The following KIRREL1 variants were observed in gnomAD, a reference collection of about 807,000 sequenced individuals.
The protein encoded by KIRREL1 is kirre like nephrin family adhesion molecule 1.
KIRREL1 carries 25 observed loss-of-function variants against 83.3 expected under a neutral mutation model. The ratio of observed to expected loss-of-function variants is 0.30; its 90% CI spans 0.22 to 0.42. The LOEUF (loss-of-function observed/expected upper bound fraction) is 0.42, where lower values mean the gene tolerates loss of function less well. Among genes scored for constraint, KIRREL1 ranks in the 10% least tolerant of loss-of-function variants. The probability of loss-of-function intolerance (pLI) is 1.00; values close to 1 mark genes in which losing one functional copy is unlikely to be tolerated. For missense variants in KIRREL1, 812 were observed against 1,032.3 expected (o/e 0.79, Z 2.92); for synonymous variants, 388 against 410.4 (o/e 0.95, Z 0.66).
intron 1 of KIRREL1, among the ~76,000 whole-genome samples, chr1:158,022,442 G>A (rs537626965): frequency 4.4e-4 from 67 of 152,226 alleles, no homozygotes; most frequent in African/African-American, 1.4e-3. Context: ...GCCACCCAGC[G>A]GATTCTGACA....
At position 158,088,155 on chromosome 1, in the gene KIRREL1, G is replaced by A; in HGVS notation, c.916+1G>A. 1.2e-6 allele frequency: 2 copies of A among 1,614,250 alleles called. No homozygotes were observed. The highest frequency in any genetic ancestry group is 1.7e-6 in the Non-Finnish European group (2 of 1,180,052). ...GTCAGCACTTTAGTAAATGTCCACT[G>A]TGAGTAGCTGGGAGGGCAGGGACGG... On this transcript the variant is annotated splice_donor_variant, in intron 7 of 14. Transcript: ENST00000359209. LOFTEE classifies it high-confidence loss of function.
At chr1:158,087,892 G>A in intron 6 of KIRREL1, 32 bp downstream of exon 6, 1 of 1,608,782 alleles carries the variant, frequency 6.2e-7, no homozygotes, top group South Asian at 1.1e-5. Context: ...AGCGCTCTGG[G>A]GAGTGATAAG....
In KIRREL1 at chr1:158,094,772, C is replaced by G; in HGVS notation, c.1926C>G (p.Ser642=). Residue 642 remains serine (S), a synonymous_variant, in exon 15 of 15, where the codon TCC becomes TCG. Transcript: ENST00000359209. The surrounding 1 kb of genome is among the most constrained non-coding windows in gnomAD (Gnocchi z 4.6). ...ACGGCCGCCCCTCATCCCGTCTCTCCCACTCCAGCGGCTATGCCCAGCTCA... is the reference window on the plus strand; with the variant it reads ...ACGGCCGCCCCTCATCCCGTCTCTCGCACTCCAGCGGCTATGCCCAGCTCA... ...RFDGRPSSRL[S]HSSGYAQLNT... is the part of the protein sequence containing the mutation. The G allele has an allele frequency of 6.2e-7, 1 of 1,614,028 alleles. No homozygotes were observed. The highest frequency in any genetic ancestry group is 8.5e-7 in the Non-Finnish European group (1 of 1,180,018).
At chr1:158,025,303 G>A (rs1660136920) in intron 1 of KIRREL1, among the ~76,000 whole-genome samples, 1 of 152,108 alleles carries the variant, frequency 6.6e-6, no homozygotes. Context: ...GAATGAAGAG[G>A]AATGGAGTAA....
chr1:158,076,832 G>C (rs1181752434), intron 2 of KIRREL1, among the ~76,000 whole-genome samples: 1 of 152,240 alleles, frequency 6.6e-6, no homozygotes, highest in Non-Finnish European at 1.5e-5. Context: ...AACATAATGA[G>C]TCAGTCAAAC....
chr1:157,994,885 A>C (rs540236404), intron 1 of KIRREL1, among the ~76,000 whole-genome samples: 3 of 152,186 alleles, frequency 2.0e-5, no homozygotes, highest in Non-Finnish European at 4.4e-5. Flanking sequence ...AGATCGGCAC[A>C]CACTCACGCA....
rs1195508685 is a variant in KIRREL1 at position 158,095,097 on chromosome 1, C to A, written c.2251C>A (p.Gln751Lys). Reference sequence around the variant, plus strand: ...CTCGGACTACGGCCAGCGATTCCAGCAGCGCATGCAGACTCACGTGTAGGG... The same window carrying A: ...CTCGGACTACGGCCAGCGATTCCAGAAGCGCATGCAGACTCACGTGTAGGG... The part of the protein sequence containing the change: ...QHSDYGQRFQ[Q>K]RMQTHV Residue 751 changes from glutamine to lysine, a missense_variant, in exon 15 of 15, where the codon CAG becomes AAG. By Grantham distance (53) the Gln-to-Lys change is moderately conservative (BLOSUM62 1). Transcript: ENST00000359209. 6.2e-7 allele frequency: 1 copy of A among 1,603,048 alleles called. No individual in the cohort carries two copies. Among genetic ancestry groups the A allele is most frequent in the East Asian group, 2.2e-5 (1 of 44,664 alleles).
In KIRREL1 at chr1:157,995,621, G is replaced by A. The variant is rs1210186895; in HGVS notation, c.52+1893G>A. Among the ~76,000 whole-genome samples the A allele has an allele frequency of 4.6e-5, 7 of 152,250 alleles. No individual in the cohort carries two copies. The East Asian group carries it at 1.2e-3, about 25-fold the overall frequency. On this transcript the variant is annotated intron_variant, in intron 1 of 14. Coordinates refer to ENST00000359209, the MANE Select transcript of KIRREL1 (RefSeq NM_018240.7). ...ATCATGGATACAAATGAGTGTTAAGGAACAAAAGCAGCAGTTAGCAAACAG... is the reference window on the plus strand; with the variant it reads ...ATCATGGATACAAATGAGTGTTAAGAAACAAAAGCAGCAGTTAGCAAACAG...
intron 2 of KIRREL1, among the ~76,000 whole-genome samples, chr1:158,077,441 G>T (rs1239580194): frequency 6.6e-6 from 1 of 152,122 alleles, no homozygotes; most frequent in Non-Finnish European, 1.5e-5. Context: ...GAGGAAGGAG[G>T]GCAAGGCCCA....
At position 158,078,169 on chromosome 1, in the gene KIRREL1, C is replaced by T. The variant is rs374511920; in HGVS notation, c.352+29C>T. 65 of 1,605,122 alleles carry T rather than the reference C, an allele frequency of 4.0e-5. 1 individual carries two copies. The highest frequency in any genetic ancestry group is 5.0e-5 in the Non-Finnish European group (59 of 1,173,644). On this transcript the variant is annotated intron_variant, in intron 3 of 14. Transcript: ENST00000359209. ...AGGACCCCAATACCCTTCAGTACTT[C>T]GAGGCCCTGTCTCTCTGTATCCTGG... is the stretch of plus-strand genomic sequence containing the variant.
intron 1 of KIRREL1, among the ~76,000 whole-genome samples, chr1:158,014,629 G>A (rs548756890): frequency 6.9e-5 from 9 of 129,814 alleles, no homozygotes; most frequent in African/African-American, 2.6e-4. Context: ...CCCTTAGACC[G>A]ACACTGGGCG....
intron 1 of KIRREL1, among the ~76,000 whole-genome samples, chr1:158,029,372 T>TGCGC (rs1553238128): frequency 5.4e-5 from 8 of 149,396 alleles, no homozygotes; most frequent in Non-Finnish European, 1.0e-4. Flanking sequence ...TGTGTGCACG[T>TGCGC]GCGCGCGCAT....
Position 158,094,238 on chromosome 1 carries a change from C to T in KIRREL1, c.1720-75C>T, listed in dbSNP as rs1057185006. ...CACCCATGAGCAGGTGGCCTCTGAGCGTGGGGAGGGGTTGGTGAGGGGCGA... is the reference window on the plus strand; with the variant it reads ...CACCCATGAGCAGGTGGCCTCTGAGTGTGGGGAGGGGTTGGTGAGGGGCGA... On this transcript the variant is annotated intron_variant, in intron 13 of 14. Coordinates refer to ENST00000359209, the MANE Select transcript of KIRREL1 (RefSeq NM_018240.7). This position sits in a 1 kb window ranked among gnomAD's most constrained non-coding sequence, Gnocchi z 4.6. 1.1e-5 allele frequency: 14 copies of T among 1,287,150 alleles called. No individual in the cohort carries two copies. The highest frequency in any genetic ancestry group is 9.9e-5 in the Admixed American group (5 of 50,688). The allele number at this position is 1,287,150 out of a possible 1,614,324, so 79.7% of individuals were successfully genotyped here.
Position 158,086,648 on chromosome 1 carries a change from A to T in KIRREL1, c.563A>T (p.Asn188Ile). 6.4e-7 allele frequency: 1 copy of T among 1,551,844 alleles called. No individual in the cohort carries two copies. The stretch of plus-strand genomic sequence containing the variant: ...ACCACCGTGAGCCAACTGCTTATTA[A>T]CCCCACGGACCTGGACATAGGGCGT... The part of the protein sequence containing the change: ...RETTVSQLLI[N>I]PTDLDIGRVF... The change falls in exon 5 of 15, where the codon AAC (asparagine) becomes ATC (isoleucine). Residue 188 changes from asparagine to isoleucine, a missense_variant. Asn to Ile is a moderately radical substitution (Grantham distance 149). Coordinates refer to ENST00000359209, the MANE Select transcript of KIRREL1 (RefSeq NM_018240.7).
At chr1:158,090,905 A>G (rs1258003603) in intron 10 of KIRREL1, among the ~76,000 whole-genome samples, 1 of 152,208 alleles carries the variant, frequency 6.6e-6, no homozygotes, top group African/African-American at 2.4e-5. Flanking sequence ...GGGAGGCCAC[A>G]CAGGGGCTTG....
chr1:158,024,521 CA>C (rs1660110180), intron 1 of KIRREL1, among the ~76,000 whole-genome samples: 1 of 151,956 alleles, frequency 6.6e-6, no homozygotes, highest in East Asian at 1.9e-4. Flanking sequence ...TCAGGTGATC[CA>C]CCCACCTCCG....
At chr1:158,008,418 G>GTACA (rs1557986387) in intron 1 of KIRREL1, among the ~76,000 whole-genome samples, 1 of 152,158 alleles carries the variant, frequency 6.6e-6, no homozygotes, top group East Asian at 1.9e-4. Context: ...TGCCCTAGGG[G>GTACA]TACAGCAGGA....
chr1:158,033,399 C>T (rs1473645734), intron 1 of KIRREL1, among the ~76,000 whole-genome samples: 5 of 152,216 alleles, frequency 3.3e-5, no homozygotes, highest in Non-Finnish European at 7.3e-5. Context: ...GTACCCCCAC[C>T]ACTATCCCCA....
intron 1 of KIRREL1, among the ~76,000 whole-genome samples, chr1:158,042,252 T>A (rs1242183329): frequency 2.9e-5 from 4 of 139,500 alleles, no homozygotes; most frequent in Non-Finnish European, 6.2e-5. Flanking sequence ...TGTGTGTGTG[T>A]GACTCAGACC....
Sources: allele counts gnomAD v4.1 joint callset (sites outside exome capture counted in the v4.1 genomes callset), GRCh38; gene constraint gnomAD v4.1.1; non-coding constraint Gnocchi (gnomAD v3.1); transcripts MANE v1.5; gene names NCBI Gene and HGNC (gene_info 2026-07-23, HGNC 2026-07-21).